The following GRIN2A variants were observed in gnomAD, a reference collection of about 807,000 sequenced individuals.
GRIN2A encodes glutamate receptor ionotropic, NMDA 2A.
GRIN2A carries 22 observed loss-of-function variants against 113.4 expected under a neutral mutation model. That is an observed-to-expected ratio of 0.19 (90% CI 0.14 to 0.28). The LOEUF is 0.28. GRIN2A is among the 10% of genes least tolerant of loss of function. The probability of loss-of-function intolerance (pLI) is 1.00; values close to 1 mark genes in which losing one functional copy is unlikely to be tolerated. For missense variants in GRIN2A, 1,502 were observed against 1,887.0 expected (o/e 0.80, Z 3.78); for synonymous variants, 827 against 738.4 (o/e 1.12, Z -1.94).
intron 2 of GRIN2A, among the ~76,000 whole-genome samples, chr16:10,172,211 A>T (rs559575912): frequency 1.3e-5 from 2 of 152,360 alleles, no homozygotes; most frequent in Admixed American, 1.3e-4. Context: ...TCACACAGGT[A>T]TTTTTGAAAA....
chr16:10,076,895 GTTACC>G (rs1344770923), intron 2 of GRIN2A, among the ~76,000 whole-genome samples: 1 of 152,188 alleles, frequency 6.6e-6, no homozygotes, highest in Non-Finnish European at 1.5e-5. Flanking sequence ...CTGTGAGCAT[GTTACC>G]TTACACAGCA....
At chr16:10,179,951 G>T in intron 2 of GRIN2A, 47 bp downstream of exon 2, 1 of 1,401,100 alleles carries the variant, frequency 7.1e-7, no homozygotes, top group Non-Finnish European at 9.7e-7. Context: ...CTGCCATGCA[G>T]CTGGTGGCTT....
intron 4 of GRIN2A, among the ~76,000 whole-genome samples, chr16:9,851,338 T>C (rs923815475): frequency 6.6e-6 from 1 of 152,176 alleles, no homozygotes; most frequent in Non-Finnish European, 1.5e-5. Context: ...CACACACACA[T>C]GTTCATTTAT....
chr16:10,125,083 G>A lies in GRIN2A; in HGVS notation c.414+54915C>T, dbSNP rs376696788. 7.2e-5 allele frequency among the ~76,000 whole-genome samples: 11 copies of A among 152,174 alleles called. 1 individual carries two copies. The highest frequency in any genetic ancestry group is 5.2e-4 in the Admixed American group (8 of 15,268). On this transcript the variant is annotated intron_variant, in intron 2 of 12. Coordinates refer to ENST00000330684, the MANE Select transcript of GRIN2A (RefSeq NM_001134407.3). ...AGGGTCTCTTCATAGGCCATGGTGA[G>A]GATGTTGGATTTTATTCCAAAGGCT...
chr16:9,928,596 G>A (rs529331622), intron 3 of GRIN2A, among the ~76,000 whole-genome samples: 11 of 151,980 alleles, frequency 7.2e-5, no homozygotes, highest in African/African-American at 2.2e-4. Context: ...CATCTCTCCA[G>A]ATCCAAAGTT....
At chr16:9,910,252 G>A (rs1210039418) in intron 3 of GRIN2A, among the ~76,000 whole-genome samples, 2 of 152,030 alleles carry the variant, frequency 1.3e-5, no homozygotes, top group Admixed American at 1.3e-4. Context: ...TAGGGGTAGG[G>A]TAATGAGGTG....
chr16:10,132,067 C>T (rs192736755), intron 2 of GRIN2A, among the ~76,000 whole-genome samples: 8 of 151,992 alleles, frequency 5.3e-5, no homozygotes, highest in Admixed American at 2.6e-4. Context: ...CTTGGTGGCT[C>T]GCGCCTGTAA....
At chr16:9,942,756 A>G (rs1220412612) in intron 2 of GRIN2A, among the ~76,000 whole-genome samples, 1 of 152,182 alleles carries the variant, frequency 6.6e-6, no homozygotes, top group African/African-American at 2.4e-5. Flanking sequence ...TCCATACAGC[A>G]ATGAATCCAT....
chr16:9,928,211 G>T (rs1016468122), intron 3 of GRIN2A, among the ~76,000 whole-genome samples: 1 of 152,208 alleles, frequency 6.6e-6, no homozygotes, highest in Non-Finnish European at 1.5e-5. Flanking sequence ...GAAGCAAGAG[G>T]TGAGAGAAGC....
intron 2 of GRIN2A, among the ~76,000 whole-genome samples, chr16:10,039,454 GAT>G (rs1255234749): frequency 1.3e-5 from 2 of 152,166 alleles, no homozygotes; most frequent in Non-Finnish European, 2.9e-5. Flanking sequence ...AACTGTAAAA[GAT>G]AGAGTTGTTT....
intron 2 of GRIN2A, among the ~76,000 whole-genome samples, chr16:10,085,816 C>A (rs747170122): frequency 6.6e-6 from 1 of 152,168 alleles, no homozygotes; most frequent in African/African-American, 2.4e-5. Context: ...TGGGATCCCC[C>A]TGGCCAAGAA....
chr16:10,092,007 TATG>T (rs571795701), intron 2 of GRIN2A, among the ~76,000 whole-genome samples: 110 of 152,348 alleles, frequency 7.2e-4, no homozygotes, highest in Non-Finnish European at 1.0e-3. Flanking sequence ...GAGTGCATTT[TATG>T]ATAAGTAAAT....
chr16:9,824,473 C>A (rs896461884), intron 9 of GRIN2A, among the ~76,000 whole-genome samples: 3 of 152,210 alleles, frequency 2.0e-5, no homozygotes, highest in Non-Finnish European at 4.4e-5. Context: ...CTTCACTCCC[C>A]GTCTGTTGCA....
At chr16:10,049,277 G>C (rs1026580094) in intron 2 of GRIN2A, among the ~76,000 whole-genome samples, 3 of 151,964 alleles carry the variant, frequency 2.0e-5, no homozygotes, top group African/African-American at 7.3e-5. Context: ...AATGCTCTGT[G>C]TTTACTCTAT....
intron 2 of GRIN2A, among the ~76,000 whole-genome samples, chr16:10,149,402 T>C (rs2049518544): frequency 1.3e-5 from 2 of 152,340 alleles, no homozygotes; most frequent in African/African-American, 4.8e-5. Context: ...GAAAGAAATC[T>C]AGGACTTTGC....
chr16:9,935,062 T>TA (rs1366130961), intron 3 of GRIN2A, among the ~76,000 whole-genome samples: 4 of 152,094 alleles, frequency 2.6e-5, no homozygotes, highest in Non-Finnish European at 4.4e-5. Flanking sequence ...CAGAATTTTT[T>TA]AAAAAAAGCA....
intron 2 of GRIN2A, among the ~76,000 whole-genome samples, chr16:9,968,274 ATGT>A (rs1365113957): frequency 3.3e-4 from 23 of 69,230 alleles, no homozygotes; most frequent in African/African-American, 1.5e-3. Flanking sequence ...GTATGTATGT[ATGT>A]ATGTATGTAT....
At chr16:10,129,235 C>T (rs1032750761) in intron 2 of GRIN2A, among the ~76,000 whole-genome samples, 1 of 152,066 alleles carries the variant, frequency 6.6e-6, no homozygotes, top group African/African-American at 2.4e-5. Flanking sequence ...GCCATGACAC[C>T]TGGTGAAGTC....
intron 10 of GRIN2A, among the ~76,000 whole-genome samples, chr16:9,808,376 C>A (rs542672556): frequency 1.3e-5 from 2 of 152,154 alleles, no homozygotes; most frequent in Non-Finnish European, 1.5e-5. Flanking sequence ...CCTTTAAGCA[C>A]CCCATCATAC....
Sources: gnomAD v4.1 joint callset for allele counts (sites outside exome capture counted in the v4.1 genomes callset) on GRCh38, gnomAD v4.1.1 for gene constraint, MANE v1.5 for transcripts, NCBI Gene and HGNC (gene_info 2026-07-23, HGNC 2026-07-21) for gene names.